Variants in GPC1 observed in about 807,000 individuals in gnomAD.
GPC1 encodes the protein glypican 1.
Under a neutral mutation model 51.5 loss-of-function variants are expected in GPC1, and 26 were observed. The observed-to-expected ratio is 0.50, with a 90% CI of 0.37 to 0.70. GPC1 has a LOEUF of 0.70. GPC1 is among the 30% of genes least tolerant of loss of function. The probability of loss-of-function intolerance (pLI) is 0.00; values close to 1 mark genes in which losing one functional copy is unlikely to be tolerated. For synonymous variants in GPC1, 380 were observed against 348.3 expected, an observed-to-expected ratio of 1.09 and a Z score of -1.01; for missense variants, 775 against 800.5, an observed-to-expected ratio of 0.97 and a Z score of 0.38.
chr2:240,451,091 T>G lies in GPC1; in HGVS notation c.167-7939T>G, dbSNP rs190306716. The G allele has an allele frequency of 3.4e-3, 1,597 of 469,980 alleles. 3 individuals carry two copies. The highest frequency in any genetic ancestry group is 5.6e-3 in the Non-Finnish European group (1,268 of 226,600). 29.1% of individuals were successfully genotyped at this position (469,980 alleles called of 1,614,324 possible). On this transcript the variant is annotated intron_variant, in intron 1 of 8. Coordinates refer to ENST00000264039, the MANE Select transcript of GPC1 (RefSeq NM_002081.3). ...TCTCGGGAAGTGGTTGGGTCGGAGG[T>G]GAGCGGCCGAGTTCCTTTGCTCCCT...
intron 5 of GPC1, 28 bp downstream of exon 5, chr2:240,464,774 AGCGGG>A (rs1356337218): frequency 3.8e-6 from 6 of 1,589,504 alleles, no homozygotes; most frequent in African/African-American, 1.3e-5. Context: ...TGACGAGCAC[AGCGGG>A]GTGGGGGTCC....
At chr2:240,458,973 C>G (rs924551816) in intron 1 of GPC1, 57 bp from the exon 2 acceptor site, 48 of 1,544,920 alleles carry the variant, frequency 3.1e-5, no homozygotes, top group Non-Finnish European at 4.1e-5. Context: ...TGAGGGTGCC[C>G]TCCTGGCTCC....
intron 1 of GPC1, chr2:240,458,781 G>T: frequency 2.1e-6 from 1 of 473,972 alleles, no homozygotes; most frequent in Non-Finnish European, 3.7e-6. Context: ...TGCCCAAGGG[G>T]CCTCCTGCCC....
intron 1 of GPC1, among the ~76,000 whole-genome samples, chr2:240,440,843 C>T (rs895836081): frequency 6.6e-6 from 1 of 152,256 alleles, no homozygotes; most frequent in Non-Finnish European, 1.5e-5. Context: ...CCCAGAGAGT[C>T]GTACTTCCAC....
intron 1 of GPC1, among the ~76,000 whole-genome samples, chr2:240,437,404 A>G (rs949287645): frequency 6.6e-6 from 1 of 151,150 alleles, no homozygotes; most frequent in Non-Finnish European, 1.5e-5. Context: ...CCCCCCACAG[A>G]AGGAACAGAA....
intron 1 of GPC1, among the ~76,000 whole-genome samples, chr2:240,446,899 G>A (rs1477880097): frequency 6.6e-6 from 1 of 152,198 alleles, no homozygotes; most frequent in Non-Finnish European, 1.5e-5. Flanking sequence ...CCTGCCTGAG[G>A]GGAGCAGTGG....
In GPC1 at chr2:240,466,169, C is replaced by T; in HGVS notation, c.1556C>T (p.Pro519Leu). The T allele has an allele frequency of 6.2e-7, 1 of 1,612,938 alleles. No individual in the cohort carries two copies. Among genetic ancestry groups the T allele is most frequent in the South Asian group, 1.1e-5 (1 of 91,072 alleles). ...SSRTPLTHALPGLSEQEGQKT... is the reference protein window; with the variant it reads ...SSRTPLTHALLGLSEQEGQKT... ...CGGACGCCCTTGACCCATGCCCTCC[C>T]AGGCCTGTCAGAGCAGGAAGGACAG... The change falls in exon 9 of 9, where the codon CCA becomes CTA. Residue 519 changes from proline to leucine, a missense_variant. Pro to Leu is a moderately conservative substitution (Grantham distance 98). Coordinates refer to ENST00000264039, the MANE Select transcript of GPC1 (RefSeq NM_002081.3).
rs778755779 is a variant in GPC1 at position 240,462,219 on chromosome 2, G to A, written c.354G>A (p.Ser118=). The A allele has an allele frequency of 1.5e-5, 24 of 1,607,174 alleles. No homozygotes were observed. Among genetic ancestry groups the A allele is most frequent in the East Asian group, 4.5e-5 (2 of 44,692 alleles). The change falls in exon 3 of 9, where the codon TCG becomes TCA. Residue 118 remains serine (S), a synonymous_variant. Coordinates refer to ENST00000264039, the MANE Select transcript of GPC1 (RefSeq NM_002081.3). ...ACTTCCAGCACCTGCTGAACGACTC[G>A]GAGCGGACGCTGCAGGCCACCTTCC... is the stretch of plus-strand genomic sequence containing the variant. ...DDHFQHLLND[S]ERTLQATFPG...
intron 1 of GPC1, among the ~76,000 whole-genome samples, chr2:240,445,282 G>A (rs2074042030): frequency 6.6e-6 from 1 of 152,178 alleles, no homozygotes; most frequent in South Asian, 2.1e-4. Flanking sequence ...ACAGATACCT[G>A]GGAAGGTCCC....
chr2:240,449,120 A>G lies in GPC1; in HGVS notation c.167-9910A>G, dbSNP rs535050700. On this transcript the variant is annotated intron_variant, in intron 1 of 8. Coordinates refer to ENST00000264039, the MANE Select transcript of GPC1 (RefSeq NM_002081.3). Reference sequence around the variant, plus strand: ...TAATTGAGATAGTGCTGATTTCAGGAGAGACCCACTGCTCTCCAAGGAGGC... The same window carrying G: ...TAATTGAGATAGTGCTGATTTCAGGGGAGACCCACTGCTCTCCAAGGAGGC... Among the ~76,000 whole-genome samples the G allele has an allele frequency of 6.6e-5, 10 of 152,300 alleles. 1 individual carries two copies. The South Asian group carries it at 1.4e-3, about 22-fold the overall frequency.
rs771344419 is a variant in GPC1 at position 240,462,310 on chromosome 2, C to T, written c.445C>T (p.Arg149Cys). ...RAFRDLYSEL[R>C]LYYRGANLHL... The stretch of plus-strand genomic sequence containing the variant: ...CTTCCGGGACCTGTACTCAGAGCTG[C>T]GCCTGTACTACCGCGGTGCCAACCT... Residue 149 changes from arginine (R) to cysteine (C), a missense_variant, in exon 3 of 9, where the codon CGC becomes TGC. Transcript: ENST00000264039. 109 of 1,607,636 alleles carry T rather than the reference C, an allele frequency of 6.8e-5. No individual in the cohort carries two copies. Among genetic ancestry groups the T allele is most frequent in the Non-Finnish European group, 8.1e-5 (95 of 1,177,770 alleles).
rs1431439620 is a variant in GPC1 at position 240,435,689 on chromosome 2, C to A, written c.-230C>A. 1.6e-5 allele frequency: 3 copies of A among 186,476 alleles called. No homozygotes were observed. Among genetic ancestry groups the A allele is most frequent in the South Asian group, 3.4e-4 (2 of 5,850 alleles). The allele number at this position is 186,476 out of a possible 1,614,324, so 11.6% of individuals were successfully genotyped here. ...CCGAGCCGGGACTGCGCTAGCCCGC[C>A]GCGCTCTGGGCTGCCCGAGCGAGCG... On this transcript the variant is annotated 5_prime_UTR_variant, in exon 1 of 9. Coordinates refer to ENST00000264039, the MANE Select transcript of GPC1 (RefSeq NM_002081.3).
intron 4 of GPC1, chr2:240,463,748 T>G: frequency 1.8e-6 from 1 of 557,088 alleles, no homozygotes; most frequent in Non-Finnish European, 3.2e-6. Context: ...TGTGGGGTCA[T>G]AGTTTCTTGT....
chr2:240,456,537 A>G, intron 1 of GPC1: 1 of 460,888 alleles, frequency 2.2e-6, no homozygotes, highest in South Asian at 1.6e-5. Flanking sequence ...CGGGAAGCTC[A>G]GCTGGCACCT....
rs1319356253 is a variant in GPC1 at position 240,459,099 on chromosome 2, A to G, written c.236A>G (p.Asn79Ser). 2 of 1,612,668 alleles carry G rather than the reference A, an allele frequency of 1.2e-6. No homozygotes were observed. The highest frequency in any genetic ancestry group is 8.5e-7 in the Non-Finnish European group (1 of 1,179,902). The change falls in exon 2 of 9, where the codon AAC (asparagine) becomes AGC (serine). Residue 79 changes from asparagine (N) to serine (S), a missense_variant. Coordinates refer to ENST00000264039, the MANE Select transcript of GPC1 (RefSeq NM_002081.3). The stretch of plus-strand genomic sequence containing the variant: ...AGCGAGATGGAGGAGAACCTGGCCA[A>G]CCGCAGCCATGCCGAGCTGGAGACC... ...CTSEMEENLA[N>S]RSHAELETAL... is the part of the protein sequence containing the mutation.
rs150429941 is a variant in GPC1, at chr2:240,448,506, T to C, written c.167-10524T>C. 7.4e-3 allele frequency among the ~76,000 whole-genome samples: 1,120 copies of C among 151,954 alleles called. 9 individuals carry two copies. Among genetic ancestry groups the C allele is most frequent in the African/African-American group, 0.024 (993 of 41,508 alleles). On this transcript the variant is annotated intron_variant, in intron 1 of 8. Coordinates refer to ENST00000264039, the MANE Select transcript of GPC1 (RefSeq NM_002081.3). This position sits in a 1 kb window ranked among gnomAD's most constrained non-coding sequence, Gnocchi z 4.5. ...GACTCCAGGTGCCTGGGGGTGGAAC[T>C]CTGAGCCTCCGGCTCTCCTCCGGCA... is the stretch of plus-strand genomic sequence containing the variant.
Position 240,464,618 on chromosome 2 carries a change from T to G in GPC1, c.886T>G (p.Ser296Ala). The G allele has an allele frequency of 6.2e-7, 1 of 1,609,920 alleles. No individual in the cohort carries two copies. The change falls in exon 5 of 9, where the codon TCC (serine) becomes GCC (alanine). Residue 296 changes from serine to alanine, a missense_variant and splice_region_variant. Physicochemically the swap from Ser to Ala is moderately conservative, Grantham distance 99 (BLOSUM62 1). Transcript: ENST00000264039. Reference sequence around the variant, plus strand: ...CCGCGTGTTAACGCCTGTCCTAGACTCCATGGTGCTCATCACCGACAAGTT... The same window carrying G: ...CCGCGTGTTAACGCCTGTCCTAGACGCCATGGTGCTCATCACCGACAAGTT... ...LDAEWRNLLD[S>A]MVLITDKFWG...
At chr2:240,447,717 C>T (rs908354243) in intron 1 of GPC1, among the ~76,000 whole-genome samples, 1 of 152,232 alleles carries the variant, frequency 6.6e-6, no homozygotes, top group Non-Finnish European at 1.5e-5. Flanking sequence ...TGCCCACAGT[C>T]GCTGTGTACC....
At chr2:240,436,582 C>T (rs1245189333) in intron 1 of GPC1, among the ~76,000 whole-genome samples, 3 of 152,374 alleles carry the variant, frequency 2.0e-5, no homozygotes, top group South Asian at 2.1e-4. Flanking sequence ...CTCTGGGAGG[C>T]GTCTCCGGTC....
Sources: allele counts gnomAD v4.1 joint callset (sites outside exome capture counted in the v4.1 genomes callset), GRCh38; gene constraint gnomAD v4.1.1; non-coding constraint Gnocchi (gnomAD v3.1); transcripts MANE v1.5; gene names NCBI Gene and HGNC (gene_info 2026-07-23, HGNC 2026-07-21).